The following PTPRM variants were observed in gnomAD, a reference collection of about 807,000 sequenced individuals.
PTPRM encodes receptor-type tyrosine-protein phosphatase mu.
PTPRM carries 47 observed loss-of-function variants against 186.7 expected under a neutral mutation model. That is an observed-to-expected ratio of 0.25 (90% CI 0.20 to 0.32). PTPRM has a LOEUF of 0.32. PTPRM is among the 10% of genes least tolerant of loss of function. PTPRM has a pLI of 1.00. For missense variants in PTPRM, 1,494 were observed against 1,865.0 expected, an observed-to-expected ratio of 0.80 and a Z score of 3.66; for synonymous variants, 668 against 674.9, an observed-to-expected ratio of 0.99 and a Z score of 0.16.
chr18:7,571,640 TA>T (rs1261620733), intron 1 of PTPRM, among the ~76,000 whole-genome samples: 1 of 152,226 alleles, frequency 6.6e-6, no homozygotes, highest in African/African-American at 2.4e-5. Flanking sequence ...AATGTTAACA[TA>T]ACCTTGTGAA....
Position 8,397,097 on chromosome 18 carries a change from C to T in PTPRM, c.4344+2486C>T, listed in dbSNP as rs943018336. 1.2e-4 allele frequency among the ~76,000 whole-genome samples: 18 copies of T among 152,338 alleles called. No homozygotes were observed. In the East Asian group the frequency reaches 2.3e-3, roughly 20 times the overall value. Reference sequence around the variant, plus strand: ...GAGCAGTGTACTGAGTCTACTTAGCCGCGTCTTCAGAGGATGACGAGCATG... The same window carrying T: ...GAGCAGTGTACTGAGTCTACTTAGCTGCGTCTTCAGAGGATGACGAGCATG... On this transcript the variant is annotated intron_variant, in intron 32 of 32. Transcript: ENST00000580170.
chr18:8,225,121 A>G (rs987534945), intron 14 of PTPRM, among the ~76,000 whole-genome samples: 2 of 152,150 alleles, frequency 1.3e-5, no homozygotes, highest in African/African-American at 4.8e-5. Flanking sequence ...TTCCTTCTGT[A>G]TTTATTAAGT....
chr18:7,854,596 A>G (rs552762867), intron 2 of PTPRM, among the ~76,000 whole-genome samples: 84 of 152,244 alleles, frequency 5.5e-4, no homozygotes, highest in African/African-American at 1.8e-3. Flanking sequence ...TTAAAATACT[A>G]TTTAAAGATG....
chr18:7,880,912 T>C (rs2048473941), intron 2 of PTPRM, among the ~76,000 whole-genome samples: 1 of 152,200 alleles, frequency 6.6e-6, no homozygotes, highest in African/African-American at 2.4e-5. Flanking sequence ...AGTTGCATTA[T>C]GGTCTTAAAG....
At chr18:7,842,070 T>G (rs1263916740) in intron 2 of PTPRM, among the ~76,000 whole-genome samples, 1 of 152,188 alleles carries the variant, frequency 6.6e-6, no homozygotes, top group Non-Finnish European at 1.5e-5. Flanking sequence ...CTGAAGAAGT[T>G]GATGACTTAG....
chr18:7,721,890 G>A (rs377574878), intron 1 of PTPRM, among the ~76,000 whole-genome samples: 1 of 152,160 alleles, frequency 6.6e-6, no homozygotes, highest in Admixed American at 6.5e-5. Flanking sequence ...CAAATGAAAT[G>A]TATAGAGTTC....
chr18:7,869,814 G>A (rs775274212), intron 2 of PTPRM, among the ~76,000 whole-genome samples: 24 of 152,154 alleles, frequency 1.6e-4, no homozygotes, highest in Non-Finnish European at 2.4e-4. Context: ...GATGCTTTCT[G>A]TGGGGCGTGG....
At chr18:7,928,525 C>T (rs187152888) in intron 5 of PTPRM, among the ~76,000 whole-genome samples, 490 of 152,288 alleles carry the variant, frequency 3.2e-3, no homozygotes, top group African/African-American at 0.011. Context: ...CAAACATCTT[C>T]TATTGACATT....
intron 1 of PTPRM, among the ~76,000 whole-genome samples, chr18:7,753,687 C>A (rs1227281052): frequency 6.6e-6 from 1 of 152,168 alleles, no homozygotes. Context: ...TAACTGCAGA[C>A]TTTCTTTGCC....
At chr18:8,275,845 G>T (rs150912764) in intron 19 of PTPRM, among the ~76,000 whole-genome samples, 1 of 152,164 alleles carries the variant, frequency 6.6e-6, no homozygotes, top group African/African-American at 2.4e-5. Flanking sequence ...ACCAGACTTT[G>T]CTTTCCTGAG....
In PTPRM at chr18:8,314,897, T is replaced by C. The variant is rs767694205; in HGVS notation, c.2919+40T>C. The C allele has an allele frequency of 4.1e-5, 55 of 1,339,590 alleles. 1 individual carries two copies. In the Admixed American group the frequency reaches 9.2e-4, roughly 23 times the overall value. 83.0% of individuals were successfully genotyped at this position (1,339,590 alleles called of 1,614,324 possible). On this transcript the variant is annotated intron_variant, in intron 21 of 32. Transcript: ENST00000580170. ...ATTTTTAATTGATATATAATTGTTG[T>C]ACATATTTGGGTGCTATGTATGATA... is the stretch of plus-strand genomic sequence containing the variant.
intron 1 of PTPRM, 40 bp from the exon 2 acceptor site, chr18:7,774,109 G>A: frequency 6.3e-7 from 1 of 1,575,706 alleles, no homozygotes; most frequent in Non-Finnish European, 8.7e-7. Flanking sequence ...CTAGAGGTCT[G>A]GTTGGTATTT....
chr18:7,845,056 C>T (rs562733796), intron 2 of PTPRM, among the ~76,000 whole-genome samples: 19 of 152,174 alleles, frequency 1.2e-4, no homozygotes, highest in South Asian at 8.3e-4. Context: ...AAGGTATGTC[C>T]GTAAGATTCT....
chr18:7,701,078 G>T (rs1434550906), intron 1 of PTPRM, among the ~76,000 whole-genome samples: 4 of 151,832 alleles, frequency 2.6e-5, no homozygotes, highest in African/African-American at 7.3e-5. Context: ...GGCCTAGGCG[G>T]GCGGATCATG....
chr18:8,379,381 T>A (rs2095717071), intron 28 of PTPRM, 41 bp downstream of exon 28: 1 of 1,544,576 alleles, frequency 6.5e-7, no homozygotes, highest in Non-Finnish European at 8.7e-7. Context: ...GGCTGGGGTG[T>A]TTGGGGAGAC....
At chr18:7,833,109 T>C (rs552532057) in intron 2 of PTPRM, among the ~76,000 whole-genome samples, 1 of 152,318 alleles carries the variant, frequency 6.6e-6, no homozygotes, top group Non-Finnish European at 1.5e-5. Context: ...CTGGGTCTTT[T>C]GGGGTTCCAT....
intron 1 of PTPRM, among the ~76,000 whole-genome samples, chr18:7,605,092 G>A (rs1266875530): frequency 6.6e-6 from 1 of 152,122 alleles, no homozygotes; most frequent in African/African-American, 2.4e-5. Context: ...AGGGATGTCT[G>A]ATCTTTTGGC....
At position 8,069,716 on chromosome 18, in the gene PTPRM, T is replaced by C; in HGVS notation, c.1163T>C (p.Val388Ala). The change falls in exon 8 of 33, where the codon GTA (valine) becomes GCA (alanine). Residue 388 changes from valine to alanine, a missense_variant. Physicochemically the swap from Val to Ala is moderately conservative, Grantham distance 64. This residue lies in a region of PTPRM where 91 missense variants were observed against 169.3 expected (regional missense o/e 0.54). Transcript: ENST00000580170. The stretch of plus-strand genomic sequence containing the variant: ...ATGCGAGGCCCAAGAAAACTAGAAG[T>C]AGTGGAGGTCAAATCTCGGCAAATC... ...DPMRGPRKLE[V>A]VEVKSRQITI... 1 of 1,613,700 alleles carries C rather than the reference T, an allele frequency of 6.2e-7. No individual in the cohort carries two copies. The highest frequency in any genetic ancestry group is 2.2e-5 in the East Asian group (1 of 44,878).
chr18:7,842,907 CATAT>C lies in PTPRM; in HGVS notation c.197-45198_197-45195del, dbSNP rs201590258. Among the ~76,000 whole-genome samples, 221 of 96,256 alleles carry C rather than the reference CATAT, an allele frequency of 2.3e-3. 7 individuals are homozygous for C. In the East Asian group the frequency reaches 0.032, roughly 14 times the overall value. 63.1% of individuals were successfully genotyped at this position (96,256 alleles called of 152,430 possible). A position where few individuals can be genotyped will look rare whatever the true frequency, so the allele number is the denominator to read the frequency against. On this transcript the variant is annotated intron_variant, in intron 2 of 32. Coordinates refer to ENST00000580170, the MANE Select transcript of PTPRM (RefSeq NM_001105244.2). The stretch of plus-strand genomic sequence containing the variant: ...CGTGTGTATATATATATATGTTTCT[CATAT>C]GTGTGTGTGTGTGTGTGTGTATATA...
Sources: allele counts gnomAD v4.1 joint callset (sites outside exome capture counted in the v4.1 genomes callset), GRCh38; gene constraint gnomAD v4.1.1; regional missense constraint gnomAD v4.1.1; transcripts MANE v1.5; gene names NCBI Gene and HGNC (gene_info 2026-07-23, HGNC 2026-07-21).